The following LRRFIP1 variants were observed in gnomAD, a reference collection of about 807,000 sequenced individuals.
The protein encoded by LRRFIP1 is leucine-rich repeat flightless-interacting protein 1.
Under a neutral mutation model 104.4 loss-of-function variants are expected in LRRFIP1, and 62 were observed. The observed-to-expected ratio is 0.59, with a 90% CI of 0.48 to 0.73. The LOEUF (loss-of-function observed/expected upper bound fraction) is 0.73, where lower values mean the gene tolerates loss of function less well. LRRFIP1 is among the 30% of genes least tolerant of loss of function. The probability of loss-of-function intolerance (pLI) is 0.00; values close to 1 mark genes in which losing one functional copy is unlikely to be tolerated. For missense variants in LRRFIP1, 796 were observed against 824.5 expected (o/e 0.97, Z 0.42); for synonymous variants, 300 against 299.0 (o/e 1.00, Z -0.03).
At chr2:237,632,325 A>G (rs1252529660) in intron 1 of LRRFIP1, among the ~76,000 whole-genome samples, 1 of 152,182 alleles carries the variant, frequency 6.6e-6, no homozygotes, top group African/African-American at 2.4e-5. Context: ...TCAAGATGCA[A>G]CCAATTCTGT....
chr2:237,779,621 C>T lies in LRRFIP1; in HGVS notation c.*89C>T, dbSNP rs1267307116. On this transcript the variant is annotated 3_prime_UTR_variant, in exon 24 of 24. Coordinates refer to ENST00000308482, the MANE Select transcript of LRRFIP1 (RefSeq NM_001137550.2). Reference sequence around the variant, plus strand: ...GTCCTATCTGGGAGCGCTGCTTCTTCCCCTGCCTTCCGAGAGACGAAGACC... The same window carrying T: ...GTCCTATCTGGGAGCGCTGCTTCTTTCCCTGCCTTCCGAGAGACGAAGACC... The T allele has an allele frequency of 7.7e-6, 9 of 1,163,686 alleles. No individual in the cohort carries two copies. The highest frequency in any genetic ancestry group is 1.0e-5 in the Non-Finnish European group (8 of 800,194). 72.1% of individuals were successfully genotyped at this position (1,163,686 alleles called of 1,614,324 possible).
intron 1 of LRRFIP1, among the ~76,000 whole-genome samples, chr2:237,676,105 G>A (rs1364309500): frequency 6.6e-6 from 1 of 152,154 alleles, no homozygotes; most frequent in Non-Finnish European, 1.5e-5. Flanking sequence ...CTGAAATTCT[G>A]TACACATTAA....
rs573595766 is a variant in LRRFIP1 at position 237,699,758 on chromosome 2, C to G, written c.97-8786C>G. On this transcript the variant is annotated intron_variant, in intron 1 of 23. Coordinates refer to ENST00000308482, the MANE Select transcript of LRRFIP1 (RefSeq NM_001137550.2). ...GGCCGACCTGGCCCTGCCCCCCCGC[C>G]CCAATACCCTTAGCTTCTTCCCAAT... is the stretch of plus-strand genomic sequence containing the variant. Among the ~76,000 whole-genome samples, 9 of 152,302 alleles carry G rather than the reference C, an allele frequency of 5.9e-5. No individual in the cohort carries two copies. In the East Asian group the frequency reaches 1.7e-3, roughly 29 times the overall value.
intron 1 of LRRFIP1, among the ~76,000 whole-genome samples, chr2:237,677,042 A>C (rs1052959427): frequency 3.3e-5 from 5 of 152,244 alleles, no homozygotes; most frequent in Non-Finnish European, 7.3e-5. Context: ...GCTAAAATAC[A>C]CATAACAAAG....
chr2:237,736,538 A>G (rs181953653), intron 10 of LRRFIP1, among the ~76,000 whole-genome samples: 12 of 152,320 alleles, frequency 7.9e-5, no homozygotes, highest in Admixed American at 3.3e-4. Flanking sequence ...TAGAGAGTCT[A>G]AGATCTGGCA....
At position 237,758,780 on chromosome 2, in the gene LRRFIP1, G is replaced by A; in HGVS notation, c.1276G>A (p.Asp426Asn). 1.2e-6 allele frequency: 2 copies of A among 1,613,438 alleles called. No individual in the cohort carries two copies. ...TGATTCCGTAAGGAGTGAACGGGAT[G>A]ATCTTAGAGAAGAAGTAGTCATGCT... ...FFDSVRSERD[D>N]LREEVVMLKE... Residue 426 changes from aspartate (D) to asparagine (N), a missense_variant, in exon 18 of 24, where the codon GAT becomes AAT. Coordinates refer to ENST00000308482, the MANE Select transcript of LRRFIP1 (RefSeq NM_001137550.2).
chr2:237,664,761 C>G lies in LRRFIP1; in HGVS notation c.96+37021C>G, dbSNP rs571776893. Among the ~76,000 whole-genome samples the G allele has an allele frequency of 5.9e-4, 90 of 152,294 alleles. 1 individual carries two copies. Among genetic ancestry groups the G allele is most frequent in the African/African-American group, 2.1e-3 (87 of 41,570 alleles). Reference sequence around the variant, plus strand: ...TCCTTCTCTGGTATAAAGAACGTTGCGATGAACATCCACTGGCAATCATCT... The same window carrying G: ...TCCTTCTCTGGTATAAAGAACGTTGGGATGAACATCCACTGGCAATCATCT... On this transcript the variant is annotated intron_variant, in intron 1 of 23. Coordinates refer to ENST00000308482, the MANE Select transcript of LRRFIP1 (RefSeq NM_001137550.2).
intron 1 of LRRFIP1, among the ~76,000 whole-genome samples, chr2:237,674,719 CG>C (rs1361266246): frequency 6.6e-6 from 1 of 152,186 alleles, no homozygotes; most frequent in Non-Finnish European, 1.5e-5. Flanking sequence ...ATTATGAATG[CG>C]GGCAAAAACC....
chr2:237,729,262 G>A (rs762790957), intron 8 of LRRFIP1, among the ~76,000 whole-genome samples: 3 of 152,198 alleles, frequency 2.0e-5, no homozygotes, highest in East Asian at 1.9e-4. Flanking sequence ...CTCAAGACAC[G>A]TAAAGATGGC....
At position 237,664,559 on chromosome 2, in the gene LRRFIP1, C is replaced by CT. The variant is rs35765450; in HGVS notation, c.96+36826dup. 2.2e-3 allele frequency among the ~76,000 whole-genome samples: 331 copies of CT among 152,308 alleles called. 4 individuals are homozygous for CT. The East Asian group carries it at 0.025, about 12-fold the overall frequency. On this transcript the variant is annotated intron_variant, in intron 1 of 23. Coordinates refer to ENST00000308482, the MANE Select transcript of LRRFIP1 (RefSeq NM_001137550.2). ...GAGTGCTGCTCCAAGACTGAATGGA[C>CT]TTTTTTTGAAGTGCAAGGGTCTGGC...
chr2:237,751,418 G>T (rs562890167), intron 14 of LRRFIP1, 147 bp downstream of exon 14: 1 of 650,266 alleles, frequency 1.5e-6, no homozygotes, highest in African/African-American at 1.8e-5. Context: ...AGGAGTGCCG[G>T]CATGGGTGTA....
chr2:237,733,952 T>A, intron 9 of LRRFIP1, 134 bp downstream of exon 9: 1 of 894,096 alleles, frequency 1.1e-6, no homozygotes, highest in Non-Finnish European at 1.8e-6. Context: ...GGAGCTTACA[T>A]GTGCCAGTGG....
chr2:237,723,455 T>C, intron 6 of LRRFIP1, 93 bp from the exon 7 acceptor site: 1 of 1,217,030 alleles, frequency 8.2e-7, no homozygotes, highest in Non-Finnish European at 1.2e-6. Flanking sequence ...ATTTTAAAGA[T>C]TGCTTGTATT....
chr2:237,729,727 G>C (rs1309755625), intron 8 of LRRFIP1: 1 of 892,316 alleles, frequency 1.1e-6, no homozygotes, highest in East Asian at 1.2e-4. Context: ...GGTGCTTTTG[G>C]AGTCGTAAGG....
At chr2:237,706,973 T>C (rs1035806593) in intron 1 of LRRFIP1, among the ~76,000 whole-genome samples, 1 of 152,138 alleles carries the variant, frequency 6.6e-6, no homozygotes, top group Non-Finnish European at 1.5e-5. Context: ...GTCTTGGAAA[T>C]TGAAAATGGC....
At chr2:237,657,079 G>A (rs748503554) in intron 1 of LRRFIP1, among the ~76,000 whole-genome samples, 1 of 152,220 alleles carries the variant, frequency 6.6e-6, no homozygotes, top group African/African-American at 2.4e-5. Flanking sequence ...AAGGCTGGCG[G>A]TGGTAGGGGG....
intron 1 of LRRFIP1, among the ~76,000 whole-genome samples, chr2:237,688,852 G>A (rs2092580538): frequency 6.6e-6 from 1 of 152,056 alleles, no homozygotes; most frequent in Admixed American, 6.6e-5. Context: ...CGAGGTGTAT[G>A]ATTTAACGTT....
chr2:237,676,675 G>T (rs1018775714), intron 1 of LRRFIP1, among the ~76,000 whole-genome samples: 3 of 152,180 alleles, frequency 2.0e-5, no homozygotes, highest in African/African-American at 7.2e-5. Context: ...GCTAATTTTT[G>T]TATTTTTAGT....
At chr2:237,727,133 G>A (rs1394166947) in intron 7 of LRRFIP1, among the ~76,000 whole-genome samples, 2 of 152,084 alleles carry the variant, frequency 1.3e-5, no homozygotes, top group East Asian at 1.9e-4. Context: ...CAAGGCGGGC[G>A]GATCACGAGG....
Sources: gnomAD v4.1 joint callset for allele counts (sites outside exome capture counted in the v4.1 genomes callset) on GRCh38, gnomAD v4.1.1 for gene constraint, MANE v1.5 for transcripts, NCBI Gene and HGNC (gene_info 2026-07-23, HGNC 2026-07-21) for gene names.